The following ANKS1B variants were observed in gnomAD, a reference collection of about 807,000 sequenced individuals.
ANKS1B encodes ankyrin repeat and sterile alpha motif domain containing 1B.
Under a neutral mutation model 148.3 loss-of-function variants are expected in ANKS1B, and 36 were observed. The ratio of observed to expected loss-of-function variants is 0.24; its 90% CI spans 0.19 to 0.32. The LOEUF (loss-of-function observed/expected upper bound fraction) is 0.32. Ranked by LOEUF, ANKS1B falls within the 10% of genes least tolerant of loss-of-function variation. The pLI is 1.00. For missense variants in ANKS1B, 1,157 were observed against 1,542.6 expected (o/e 0.75, Z 4.19); for synonymous variants, 542 against 560.8 (o/e 0.97, Z 0.47).
At chr12:99,504,434 C>T (rs2096686411) in intron 10 of ANKS1B, 42 bp downstream of exon 10, 1 of 1,582,310 alleles carries the variant, frequency 6.3e-7, no homozygotes, top group African/African-American at 1.4e-5. Flanking sequence ...TATGAATAAG[C>T]AAGTAAATTG....
rs562964940 is a variant in ANKS1B at position 99,369,719 on chromosome 12, T to C, written c.1756+29912A>G. Among the ~76,000 whole-genome samples, 77 of 151,840 alleles carry C rather than the reference T, an allele frequency of 5.1e-4. 1 individual carries two copies. Among genetic ancestry groups the C allele is most frequent in the African/African-American group, 1.8e-3 (75 of 41,396 alleles). On this transcript the variant is annotated intron_variant, in intron 12 of 26. Coordinates refer to ENST00000683438, the MANE Select transcript of ANKS1B (RefSeq NM_001352186.2). The stretch of plus-strand genomic sequence containing the variant: ...TCAGCAAGCAAGATAGAAAGATAGA[T>C]AAATAGACAGATAGATAAATGGATA...
At chr12:99,733,389 T>C (rs562033707) in intron 8 of ANKS1B, among the ~76,000 whole-genome samples, 15 of 152,284 alleles carry the variant, frequency 9.9e-5, no homozygotes, top group Non-Finnish European at 1.8e-4. Context: ...GAGCCACTTA[T>C]GAGTGAGAAA....
intron 12 of ANKS1B, among the ~76,000 whole-genome samples, chr12:99,382,260 C>T (rs912262437): frequency 6.6e-6 from 1 of 152,166 alleles, no homozygotes; most frequent in Admixed American, 6.5e-5. Context: ...TGTCCAATCA[C>T]TTTCATAATT....
At chr12:99,792,700 G>A (rs2065809527) in intron 4 of ANKS1B, among the ~76,000 whole-genome samples, 1 of 151,576 alleles carries the variant, frequency 6.6e-6, no homozygotes, top group Non-Finnish European at 1.5e-5. Context: ...ACACCTCAAT[G>A]TAATAAAATC....
intron 11 of ANKS1B, among the ~76,000 whole-genome samples, chr12:99,431,064 A>G (rs889586026): frequency 1.1e-4 from 16 of 152,214 alleles, no homozygotes; most frequent in African/African-American, 3.9e-4. Flanking sequence ...TCACTTATTG[A>G]ATTGAGTTCA....
intron 17 of ANKS1B, among the ~76,000 whole-genome samples, chr12:98,873,032 C>T (rs1300689562): frequency 1.3e-5 from 2 of 152,180 alleles, no homozygotes; most frequent in Admixed American, 6.5e-5. Flanking sequence ...ACTATACTTT[C>T]CTATGAAATG....
At chr12:99,240,066 T>C (rs1171586026) in intron 14 of ANKS1B, among the ~76,000 whole-genome samples, 1 of 152,122 alleles carries the variant, frequency 6.6e-6, no homozygotes. Context: ...GATAACAATA[T>C]TAACCTTAAA....
At chr12:99,807,467 T>C (rs1290111952) in intron 3 of ANKS1B, among the ~76,000 whole-genome samples, 1 of 152,000 alleles carries the variant, frequency 6.6e-6, no homozygotes, top group Non-Finnish European at 1.5e-5. Context: ...TTGAGCAATA[T>C]AGGTAGATGG....
intron 24 of ANKS1B, among the ~76,000 whole-genome samples, chr12:98,776,891 TA>T (rs201557336): frequency 1.3e-5 from 2 of 151,492 alleles, no homozygotes; most frequent in South Asian, 2.1e-4. Context: ...GTATTTGCTA[TA>T]AAAAAAAACA....
rs114749136 is a variant in ANKS1B at position 99,834,720 on chromosome 12, C to T, written c.135-9331G>A. ...ACTCCACAAATTGATCATTATTATACCTTCCATCAGTCTATGGGGAAAATC... is the reference window on the plus strand; with the variant it reads ...ACTCCACAAATTGATCATTATTATATCTTCCATCAGTCTATGGGGAAAATC... On this transcript the variant is annotated intron_variant, in intron 1 of 26. Transcript: ENST00000683438. Among the ~76,000 whole-genome samples the T allele has an allele frequency of 9.1e-3, 1,382 of 152,204 alleles. 22 individuals carry two copies. Among genetic ancestry groups the T allele is most frequent in the African/African-American group, 0.032 (1,311 of 41,522 alleles).
chr12:98,882,539 A>G (rs1423792071), intron 17 of ANKS1B, among the ~76,000 whole-genome samples: 2 of 152,168 alleles, frequency 1.3e-5, no homozygotes, highest in African/African-American at 4.8e-5. Context: ...ACTGCTTTTT[A>G]AAAAGACAAA....
chr12:98,949,232 A>G (rs998558286), intron 17 of ANKS1B, among the ~76,000 whole-genome samples: 3 of 151,948 alleles, frequency 2.0e-5, no homozygotes, highest in African/African-American at 2.4e-5. Context: ...GATTACAGGC[A>G]CGAGCCACCG....
At chr12:99,654,381 T>C (rs544328526) in intron 9 of ANKS1B, among the ~76,000 whole-genome samples, 4 of 152,330 alleles carry the variant, frequency 2.6e-5, no homozygotes, top group African/African-American at 7.2e-5. Context: ...CTCTTAACAT[T>C]ATACCCTTTC....
At chr12:99,919,100 T>G (rs893808783) in intron 1 of ANKS1B, among the ~76,000 whole-genome samples, 1 of 152,330 alleles carries the variant, frequency 6.6e-6, no homozygotes, top group Non-Finnish European at 1.5e-5. Context: ...GGCCCTATGC[T>G]TGAGGCATCA....
chr12:99,845,896 C>T (rs1565848000), intron 1 of ANKS1B, among the ~76,000 whole-genome samples: 1 of 152,006 alleles, frequency 6.6e-6, no homozygotes, highest in Admixed American at 6.6e-5. Context: ...AATTTCAGAA[C>T]AATATTGGTC....
intron 15 of ANKS1B, among the ~76,000 whole-genome samples, chr12:99,095,737 T>G (rs2055830643): frequency 6.6e-6 from 1 of 152,168 alleles, no homozygotes; most frequent in Non-Finnish European, 1.5e-5. Context: ...GACAGGGGTA[T>G]GATAACATAA....
chr12:99,684,212 T>A (rs1475208132), intron 8 of ANKS1B, among the ~76,000 whole-genome samples: 1 of 151,912 alleles, frequency 6.6e-6, no homozygotes, highest in Non-Finnish European at 1.5e-5. Flanking sequence ...TAGAAAAGTA[T>A]AAAGACTGAT....
chr12:99,022,958 A>T (rs2099946678), intron 17 of ANKS1B, among the ~76,000 whole-genome samples: 1 of 152,214 alleles, frequency 6.6e-6, no homozygotes, highest in Admixed American at 6.5e-5. Flanking sequence ...TCAGATGTTC[A>T]TAGGCTTGTA....
chr12:99,038,358 T>C (rs1242701244), intron 17 of ANKS1B, among the ~76,000 whole-genome samples: 3 of 152,156 alleles, frequency 2.0e-5, no homozygotes, highest in Non-Finnish European at 2.9e-5. Flanking sequence ...ACAATCAATA[T>C]CACATTCATC....
Sources: gnomAD v4.1 joint callset for allele counts (sites outside exome capture counted in the v4.1 genomes callset) on GRCh38, gnomAD v4.1.1 for gene constraint, MANE v1.5 for transcripts, NCBI Gene and HGNC (gene_info 2026-07-23, HGNC 2026-07-21) for gene names.